The following MAP4 variants were observed in gnomAD, a reference collection of about 807,000 sequenced individuals.
MAP4 encodes the protein microtubule-associated protein 4.
A neutral mutation model predicts 170.2 loss-of-function variants in MAP4; 76 were observed. The observed-to-expected ratio is 0.45, with a 90% CI of 0.37 to 0.54. MAP4 has a LOEUF of 0.54. Ranked by LOEUF, MAP4 falls within the 20% of genes least tolerant of loss-of-function variation. The probability of loss-of-function intolerance (pLI) is 0.00; values close to 1 mark genes in which losing one functional copy is unlikely to be tolerated. For missense variants in MAP4, 2,506 were observed against 2,748.0 expected (o/e 0.91, Z 1.97); for synonymous variants, 909 against 994.5 (o/e 0.91, Z 1.62).
Position 47,855,470 on chromosome 3 carries a change from C to CT in MAP4, c.6584-111dup. On this transcript the variant is annotated intron_variant, in intron 18 of 20. Coordinates refer to ENST00000683076, the MANE Select transcript of MAP4 (RefSeq NM_001385682.1). The surrounding 1 kb of genome is among the most constrained non-coding windows in gnomAD (Gnocchi z 5.1). ...AGAAATGAGACAGACGTGACCTGTT[C>CT]TGGGTGGCAAATGAAGAACAGTGAA... 1.4e-6 allele frequency: 1 copy of CT among 724,592 alleles called. No individual in the cohort carries two copies. The highest frequency in any genetic ancestry group is 1.5e-5 in the South Asian group (1 of 64,918). The allele number at this position is 724,592 out of a possible 1,614,324, so 44.9% of individuals were successfully genotyped here. A position where few individuals can be genotyped will look rare whatever the true frequency, so the allele number is the denominator to read the frequency against.
chr3:47,974,486 A>C, intron 3 of MAP4: 1 of 984,106 alleles, frequency 1.0e-6, no homozygotes, highest in Non-Finnish European at 1.2e-6. Flanking sequence ...TATTTCTTTT[A>C]AGCTGAAATA....
chr3:47,973,181 T>C, intron 3 of MAP4: 1 of 982,854 alleles, frequency 1.0e-6, no homozygotes, highest in Non-Finnish European at 1.2e-6. Context: ...TCACAAAAAA[T>C]ACAAACTTAG....
intron 1 of MAP4, among the ~76,000 whole-genome samples, 161 bp from the exon 2 acceptor site, chr3:47,999,040 A>G (rs1470599062): frequency 6.6e-6 from 1 of 152,218 alleles, no homozygotes; most frequent in East Asian, 1.9e-4. Flanking sequence ...AAATAAAGCT[A>G]AGAAATGGAC....
intron 20 of MAP4, 109 bp downstream of exon 20, chr3:47,853,054 G>T (rs774492719): frequency 5.6e-6 from 9 of 1,614,192 alleles, no homozygotes; most frequent in African/African-American, 1.3e-5. Flanking sequence ...AAAATAAAAG[G>T]TTACTTCATT....
At chr3:47,895,766 T>G (rs2100026498) in intron 10 of MAP4, among the ~76,000 whole-genome samples, 1 of 152,112 alleles carries the variant, frequency 6.6e-6, no homozygotes, top group Non-Finnish European at 1.5e-5. Flanking sequence ...AGTAATTCTA[T>G]CCATAAACAG....
chr3:48,018,228 T>G (rs554814404), upstream of MAP4, among the ~76,000 whole-genome samples: 1 of 152,152 alleles, frequency 6.6e-6, no homozygotes. Context: ...TAGTTGTATA[T>G]ACCAGCTCCT....
At chr3:47,949,722 G>A (rs74990628) in intron 3 of MAP4, among the ~76,000 whole-genome samples, 191 of 152,224 alleles carry the variant, frequency 1.3e-3, no homozygotes, top group Non-Finnish European at 2.0e-3. Context: ...TAATGAAGCT[G>A]GACTCTTCAA....
intron 3 of MAP4, among the ~76,000 whole-genome samples, chr3:47,966,265 T>TTTTG (rs2100074948): frequency 1.7e-5 from 2 of 116,988 alleles, no homozygotes; most frequent in African/African-American, 6.9e-5. Flanking sequence ...TTTTTTTTTT[T>TTTTG]GAGACAGAGT....
intron 4 of MAP4, among the ~76,000 whole-genome samples, chr3:47,926,206 C>G (rs931033863): frequency 6.8e-6 from 1 of 146,932 alleles, no homozygotes; most frequent in Non-Finnish European, 1.5e-5. Flanking sequence ...TTTATTGAGA[C>G]AGGGTCTGGC....
At position 47,910,400 on chromosome 3, in the gene MAP4, A is replaced by C; in HGVS notation, c.4021T>G (p.Ser1341Ala). 2 of 1,536,700 alleles carry C rather than the reference A, an allele frequency of 1.3e-6. No homozygotes were observed. Among genetic ancestry groups the C allele is most frequent in the Non-Finnish European group, 1.7e-6 (2 of 1,146,912 alleles). ...GCTGCATCTGTCTTATTCTCCTCAG[A>C]TACTACTGAAGGAACAAATCCTGCC... ...QGAGFVPSVV[S>A]EENKTDAANR... Residue 1341 changes from serine (S) to alanine (A), a missense_variant, in exon 9 of 21, where the codon TCT becomes GCT. By Grantham distance (99) the Ser-to-Ala change is moderately conservative. Transcript: ENST00000683076.
chr3:47,993,213 A>G (rs2100093445), intron 2 of MAP4, among the ~76,000 whole-genome samples: 1 of 152,162 alleles, frequency 6.6e-6, no homozygotes, highest in Non-Finnish European at 1.5e-5. Flanking sequence ...AGTCCCAGCT[A>G]CTTGGAAGGC....
At chr3:47,993,858 G>A (rs2100093829) in intron 2 of MAP4, among the ~76,000 whole-genome samples, 1 of 152,174 alleles carries the variant, frequency 6.6e-6, no homozygotes, top group African/African-American at 2.4e-5. Flanking sequence ...TTATGAGGGT[G>A]TTTTGAGAAA....
intron 2 of MAP4, among the ~76,000 whole-genome samples, chr3:47,985,605 C>A (rs2100088194): frequency 6.6e-6 from 1 of 152,062 alleles, no homozygotes; most frequent in Non-Finnish European, 1.5e-5. Flanking sequence ...AGTACTACTG[C>A]CAAAAATGTG....
intron 1 of MAP4, among the ~76,000 whole-genome samples, chr3:48,028,802 G>A (rs543223803): frequency 4.3e-4 from 65 of 150,814 alleles, no homozygotes; most frequent in Non-Finnish European, 8.6e-4. Context: ...CAAAACTAGT[G>A]GTAATTCCTT....
chr3:47,983,213 G>T (rs1024958283), intron 2 of MAP4, among the ~76,000 whole-genome samples: 1 of 151,846 alleles, frequency 6.6e-6, no homozygotes, highest in Non-Finnish European at 1.5e-5. Flanking sequence ...CAAAGATTTT[G>T]ACTTAATTTT....
chr3:47,902,141 G>A (rs564911861), intron 10 of MAP4, among the ~76,000 whole-genome samples: 1 of 152,234 alleles, frequency 6.6e-6, no homozygotes, highest in South Asian at 2.1e-4. Flanking sequence ...GTGACAAAGT[G>A]ATACCTTGTC....
At chr3:48,040,374 T>C (rs2100121006) in intron 1 of MAP4, among the ~76,000 whole-genome samples, 1 of 152,102 alleles carries the variant, frequency 6.6e-6, no homozygotes, top group Non-Finnish European at 1.5e-5. Flanking sequence ...GTTCAGGCCA[T>C]TCTCCTGCCT....
chr3:48,064,679 G>T (rs983331229), intron 1 of MAP4, among the ~76,000 whole-genome samples: 1 of 152,112 alleles, frequency 6.6e-6, no homozygotes, highest in African/African-American at 2.4e-5. Flanking sequence ...TCTAAGAAAT[G>T]TGTTAGGTGA....
chr3:47,885,381 T>TCAAC (rs2097404318), intron 10 of MAP4, among the ~76,000 whole-genome samples: 1 of 151,592 alleles, frequency 6.6e-6, no homozygotes, highest in Non-Finnish European at 1.5e-5. Context: ...AATCAATCAA[T>TCAAC]CAATCAATCA....
Sources: gnomAD v4.1 joint callset for allele counts (sites outside exome capture counted in the v4.1 genomes callset) on GRCh38, gnomAD v4.1.1 for gene constraint, Gnocchi (gnomAD v3.1) non-coding constraint, MANE v1.5 for transcripts, NCBI Gene and HGNC (gene_info 2026-07-23, HGNC 2026-07-21) for gene names.